The following OXR1 variants were observed in gnomAD, a reference collection of about 807,000 sequenced individuals.
OXR1 encodes oxidation resistance protein 1.
OXR1 carries 41 observed loss-of-function variants against 104.6 expected under a neutral mutation model. The observed-to-expected ratio is 0.39, with a 90% confidence interval of 0.31 to 0.51. OXR1 has a LOEUF of 0.51. OXR1 is among the 20% of genes least tolerant of loss of function. OXR1 has a pLI of 0.77. For missense variants in OXR1, 955 were observed against 1,031.9 expected (o/e 0.93, Z 1.02); for synonymous variants, 348 against 348.4 (o/e 1.00, Z 0.01).
intron 3 of OXR1, among the ~76,000 whole-genome samples, chr8:106,545,485 T>TA (rs1815284128): frequency 6.6e-6 from 1 of 152,088 alleles, no homozygotes; most frequent in Admixed American, 6.5e-5. Flanking sequence ...GTGGATATTA[T>TA]AAAGGAGAAA....
chr8:106,432,725 A>G (rs191310093), intron 2 of OXR1, among the ~76,000 whole-genome samples: 15 of 152,150 alleles, frequency 9.9e-5, no homozygotes, highest in Admixed American at 6.5e-4. Flanking sequence ...GGATGCATTT[A>G]TCTGTTTTCT....
At chr8:106,434,601 T>TG (rs773594303) in intron 2 of OXR1, among the ~76,000 whole-genome samples, 10 of 152,208 alleles carry the variant, frequency 6.6e-5, no homozygotes, top group Non-Finnish European at 1.0e-4. Context: ...AATTTTTCCT[T>TG]GCTCATAGTC....
intron 3 of OXR1, among the ~76,000 whole-genome samples, chr8:106,559,781 C>T (rs564236379): frequency 7.2e-5 from 11 of 152,144 alleles, no homozygotes; most frequent in East Asian, 3.9e-4. Context: ...ATTTATGGGG[C>T]GGAACCTCAT....
At chr8:106,387,148 G>A (rs1817408372) in intron 2 of OXR1, among the ~76,000 whole-genome samples, 1 of 152,196 alleles carries the variant, frequency 6.6e-6, no homozygotes. Context: ...TTAGTGCCAT[G>A]CCTCTTACAT....
intron 2 of OXR1, among the ~76,000 whole-genome samples, chr8:106,403,289 G>A (rs1163357291): frequency 6.6e-6 from 1 of 152,242 alleles, no homozygotes; most frequent in South Asian, 2.1e-4. Context: ...ACAAGACTCA[G>A]CGTATTCTGA....
At chr8:106,744,801 G>C (rs1316759928) in intron 15 of OXR1, among the ~76,000 whole-genome samples, 1 of 152,040 alleles carries the variant, frequency 6.6e-6, no homozygotes, top group Admixed American at 6.5e-5. Flanking sequence ...TTAATCTCAA[G>C]AAAAGGAATC....
At chr8:106,386,940 T>C (rs544854743) in intron 2 of OXR1, among the ~76,000 whole-genome samples, 1 of 152,202 alleles carries the variant, frequency 6.6e-6, no homozygotes, top group Non-Finnish European at 1.5e-5. Flanking sequence ...GTAAGTTAGA[T>C]GATTGGAGGT....
chr8:106,643,549 C>G (rs1823837110), intron 3 of OXR1, among the ~76,000 whole-genome samples: 1 of 152,052 alleles, frequency 6.6e-6, no homozygotes, highest in African/African-American at 2.4e-5. Context: ...TTTTACAGAT[C>G]AGAAAGCTAC....
At chr8:106,468,536 G>A (rs148195899) in intron 2 of OXR1, among the ~76,000 whole-genome samples, 363 of 151,908 alleles carry the variant, frequency 2.4e-3, no homozygotes, top group African/African-American at 8.3e-3. Context: ...GTATGTCAAC[G>A]TGGTGGAAAG....
At chr8:106,280,443 C>A (rs1283916746) in intron 1 of OXR1, among the ~76,000 whole-genome samples, 1 of 152,122 alleles carries the variant, frequency 6.6e-6, no homozygotes, top group African/African-American at 2.4e-5. Context: ...GCTGGCCGTC[C>A]CTGGCATTTG....
chr8:106,440,526 T>C (rs1367786100), intron 2 of OXR1, among the ~76,000 whole-genome samples: 1 of 152,136 alleles, frequency 6.6e-6, no homozygotes, highest in African/African-American at 2.4e-5. Flanking sequence ...TTCTGGGTGA[T>C]AGAATAATTT....
intron 2 of OXR1, among the ~76,000 whole-genome samples, chr8:106,395,680 A>G (rs1009611520): frequency 1.5e-4 from 23 of 152,154 alleles, no homozygotes; most frequent in Non-Finnish European, 2.9e-5. Flanking sequence ...GTGTGTATAC[A>G]TCGTTTAGTA....
At chr8:106,535,067 A>T (rs1234313017) in intron 3 of OXR1, among the ~76,000 whole-genome samples, 1 of 152,054 alleles carries the variant, frequency 6.6e-6, no homozygotes, top group Non-Finnish European at 1.5e-5. Context: ...GGTTCACACC[A>T]TTCTCCTGCC....
At chr8:106,730,317 T>A (rs772510929) in intron 11 of OXR1, among the ~76,000 whole-genome samples, 2 of 152,140 alleles carry the variant, frequency 1.3e-5, no homozygotes, top group African/African-American at 4.8e-5. Flanking sequence ...AAGTGTATAA[T>A]GACATGTATC....
chr8:106,621,784 T>C (rs751611553), intron 3 of OXR1, among the ~76,000 whole-genome samples: 1 of 152,210 alleles, frequency 6.6e-6, no homozygotes, highest in Non-Finnish European at 1.5e-5. Context: ...TTCTTAGTCA[T>C]TACTTGAAAA....
In OXR1 at chr8:106,739,463, T is replaced by C. The variant is rs370008909; in HGVS notation, c.2043T>C (p.Thr681=). ...ACCTCTATTTACTGTTTTAGATTAC[T>C]ACAAGGGAAGACATAAATTCAAAGC... ...LRTLCRRLQI[T]TREDINSKQV... Residue 681 remains threonine, a synonymous_variant, in exon 13 of 17, where the codon ACT becomes ACC. Coordinates refer to ENST00000517566, the MANE Select transcript of OXR1 (RefSeq NM_001198533.2). 2 of 1,612,294 alleles carry C rather than the reference T, an allele frequency of 1.2e-6. No homozygotes were observed. Among genetic ancestry groups the C allele is most frequent in the Non-Finnish European group, 1.7e-6 (2 of 1,178,896 alleles).
chr8:106,346,639 A>G (rs1815491663), intron 1 of OXR1, among the ~76,000 whole-genome samples: 1 of 151,844 alleles, frequency 6.6e-6, no homozygotes, highest in African/African-American at 2.4e-5. Context: ...TCCATCCCTA[A>G]TTCATTTTGC....
At chr8:106,431,653 T>C (rs1819365313) in intron 2 of OXR1, among the ~76,000 whole-genome samples, 1 of 152,192 alleles carries the variant, frequency 6.6e-6, no homozygotes, top group African/African-American at 2.4e-5. Flanking sequence ...AGGACTTTAT[T>C]TTGCTCTTTG....
At chr8:106,281,870 G>A (rs1049605744) in intron 1 of OXR1, among the ~76,000 whole-genome samples, 7 of 151,176 alleles carry the variant, frequency 4.6e-5, no homozygotes, top group African/African-American at 1.7e-4. Context: ...TGATTATAAG[G>A]GGAGAATATA....
Sources: allele counts gnomAD v4.1 joint callset (sites outside exome capture counted in the v4.1 genomes callset), GRCh38; gene constraint gnomAD v4.1.1; transcripts MANE v1.5; gene names NCBI Gene and HGNC (gene_info 2026-07-23, HGNC 2026-07-21).